B4GALNT2: variants seen among roughly 807,000 people sequenced by gnomAD.
B4GALNT2 encodes N-acetylneuraminylgalactosylglucosyl-glucoside beta-1,4-N- acetylgalactosaminyltransferase 2.
B4GALNT2 carries 42 observed loss-of-function variants against 51.1 expected under a neutral mutation model. That is an observed-to-expected ratio of 0.82 (90% confidence interval 0.64 to 1.06). The LOEUF is 1.06. Ranked by LOEUF, B4GALNT2 falls within the 50% of genes least tolerant of loss-of-function variation. B4GALNT2 has a pLI of 0.00. For missense variants in B4GALNT2, 602 were observed against 633.6 expected, an observed-to-expected ratio of 0.95 and a Z score of 0.54; for synonymous variants, 253 against 251.7, an observed-to-expected ratio of 1.01 and a Z score of -0.05.
chr17:49,128,278 G>C (rs1229321309), upstream of B4GALNT2, among the ~76,000 whole-genome samples: 1 of 152,178 alleles, frequency 6.6e-6, no homozygotes. Context: ...GAGATGATTT[G>C]ACTGGATGGA....
At chr17:49,141,576 C>A in intron 2 of B4GALNT2, 129 bp downstream of exon 2, 1 of 955,394 alleles carries the variant, frequency 1.0e-6, no homozygotes, top group South Asian at 1.6e-5. Context: ...GCTGAATGCA[C>A]AAGTGACTGC....
chr17:49,139,332 G>A (rs1052691850), intron 1 of B4GALNT2, among the ~76,000 whole-genome samples: 5 of 151,618 alleles, frequency 3.3e-5, no homozygotes, highest in Non-Finnish European at 7.4e-5. Flanking sequence ...TTCGCCCTCC[G>A]GGCTCAAGTG....
chr17:49,152,624 C>T (rs1044988583), intron 3 of B4GALNT2, among the ~76,000 whole-genome samples, 176 bp from the exon 4 acceptor site: 2 of 152,150 alleles, frequency 1.3e-5, no homozygotes, highest in African/African-American at 2.4e-5. Context: ...TGCAGTGAGC[C>T]GAGATCGCAC....
At chr17:49,153,179 C>T (rs2042775819) in intron 4 of B4GALNT2, among the ~76,000 whole-genome samples, 1 of 152,100 alleles carries the variant, frequency 6.6e-6, no homozygotes, top group Non-Finnish European at 1.5e-5. Flanking sequence ...CTTTGGGAGG[C>T]TGAGGTGGGT....
At position 49,146,450 on chromosome 17, in the gene B4GALNT2, A is replaced by G. The variant is rs531095457; in HGVS notation, c.353+4278A>G. Among the ~76,000 whole-genome samples, 3 of 152,156 alleles carry G rather than the reference A, an allele frequency of 2.0e-5. No individual in the cohort carries two copies. The East Asian group carries it at 5.8e-4, about 29-fold the overall frequency. The stretch of plus-strand genomic sequence containing the variant: ...CTTAGCCACCCGAGTAGTTGGGATT[A>G]AAGGTGCACGCCACCACTCCCTGTT... On this transcript the variant is annotated intron_variant, in intron 3 of 10. Coordinates refer to ENST00000393354, the MANE Select transcript of B4GALNT2 (RefSeq NM_001159387.2).
chr17:49,143,875 T>A (rs1003830317), intron 3 of B4GALNT2, among the ~76,000 whole-genome samples: 1 of 152,150 alleles, frequency 6.6e-6, no homozygotes, highest in African/African-American at 2.4e-5. Flanking sequence ...TGGTTGGGCA[T>A]GGTGGCTCAC....
At position 49,166,150 on chromosome 17, in the gene B4GALNT2, G is replaced by T; in HGVS notation, c.991G>T (p.Val331Phe). The part of the protein sequence containing the change: ...FAGRNLAISQ[V>F]TTKYVLWVDD... ...TGGTAGGAACCTGGCCATATCTCAG[G>T]TCACCACCAAATACGTTCTCTGGGT... Residue 331 changes from valine to phenylalanine, a missense_variant, in exon 9 of 11, where the codon GTC (valine) becomes TTC (phenylalanine). Physicochemically the swap from Val to Phe is conservative, Grantham distance 50. Transcript: ENST00000393354. The T allele has an allele frequency of 6.2e-7, 1 of 1,614,058 alleles. No individual in the cohort carries two copies. Among genetic ancestry groups the T allele is most frequent in the East Asian group, 2.2e-5 (1 of 44,880 alleles).
At chr17:49,158,133 G>C (rs1197968741) in intron 5 of B4GALNT2, among the ~76,000 whole-genome samples, 1 of 152,154 alleles carries the variant, frequency 6.6e-6, no homozygotes, top group Non-Finnish European at 1.5e-5. Flanking sequence ...AGAGCAAGGA[G>C]GACTTCCCTT....
chr17:49,134,450 G>A (rs1199967732), intron 1 of B4GALNT2, among the ~76,000 whole-genome samples: 1 of 152,198 alleles, frequency 6.6e-6, no homozygotes, highest in Non-Finnish European at 1.5e-5. Context: ...CATCACCCAG[G>A]CTGGAGTGCA....
the B4GALNT2 span, among the ~76,000 whole-genome samples, chr17:49,126,520 C>T: frequency 2.1e-5 from 3 of 141,216 alleles, no homozygotes; most frequent in South Asian, 6.7e-4. Flanking sequence ...AAACAAACTC[C>T]GTGTGTCCTA....
upstream of B4GALNT2, among the ~76,000 whole-genome samples, chr17:49,131,227 C>T (rs139242205): frequency 2.6e-3 from 396 of 152,208 alleles, no homozygotes; most frequent in Non-Finnish European, 3.4e-3. Flanking sequence ...CCTACATGCA[C>T]GTAGTCGGTA....
intron 3 of B4GALNT2, among the ~76,000 whole-genome samples, chr17:49,145,918 ATTG>A (rs1309348100): frequency 1.3e-5 from 2 of 152,098 alleles, no homozygotes; most frequent in African/African-American, 2.4e-5. Flanking sequence ...CTTTAATGGA[ATTG>A]TTGTTGTGTA....
chr17:49,165,766 A>G (rs1229997763), intron 8 of B4GALNT2, among the ~76,000 whole-genome samples: 1 of 151,910 alleles, frequency 6.6e-6, no homozygotes, highest in African/African-American at 2.4e-5. Flanking sequence ...ATGTCCTTCA[A>G]ACTTGACATC....
chr17:49,146,787 G>C (rs920779546), intron 3 of B4GALNT2, among the ~76,000 whole-genome samples: 11 of 152,126 alleles, frequency 7.2e-5, no homozygotes, highest in African/African-American at 2.4e-4. Context: ...CAGACTGGAA[G>C]GTTCATGATT....
rs116205565 is a variant in B4GALNT2 at position 49,141,459 on chromosome 17, C to T, written c.215+12C>T. The T allele has an allele frequency of 1.9e-4, 309 of 1,611,422 alleles. No individual in the cohort carries two copies. In the African/African-American group the frequency reaches 3.0e-3, roughly 16 times the overall value. ...TACGATGGAATCTGGTGAGAGACTG[C>T]GTGTTCTTTCTTTCACCTTAATGCA... On this transcript the variant is annotated intron_variant, in intron 2 of 10. Transcript: ENST00000393354.
chr17:49,134,599 T>C (rs929079254), intron 1 of B4GALNT2, among the ~76,000 whole-genome samples: 1 of 151,890 alleles, frequency 6.6e-6, no homozygotes, highest in Non-Finnish European at 1.5e-5. Context: ...TTTTATTTTA[T>C]TTTTTTTAGA....
the B4GALNT2 span, among the ~76,000 whole-genome samples, chr17:49,125,888 C>CA: frequency 6.9e-6 from 1 of 144,864 alleles, no homozygotes; most frequent in Non-Finnish European, 1.5e-5. Context: ...GGGGGTCGGC[C>CA]CCCTGCCCGA....
Position 49,175,695 on chromosome 17 carries a change from C to T in B4GALNT2, c.*5967C>T, listed in dbSNP as rs1276231871. On this transcript the variant is annotated 3_prime_UTR_variant, in exon 11 of 11. Coordinates refer to ENST00000393354, the MANE Select transcript of B4GALNT2 (RefSeq NM_001159387.2). ...TGTTGATCTGGGGGGTATATCCTAA[C>T]AGGGAACTGCCAAGCCTCTATATCA... 1 of 152,178 alleles carries T rather than the reference C, an allele frequency of 6.6e-6. No individual in the cohort carries two copies. The highest frequency in any genetic ancestry group is 2.4e-5 in the African/African-American group (1 of 41,412). The allele number at this position is 152,178 out of a possible 1,614,324, so 9.4% of individuals were successfully genotyped here. A position where few individuals can be genotyped will look rare whatever the true frequency, so the allele number is the denominator to read the frequency against.
chr17:49,171,762 T>A lies in B4GALNT2; in HGVS notation c.*2034T>A. The A allele has an allele frequency of 2.4e-6, 1 of 422,692 alleles. No homozygotes were observed. The highest frequency in any genetic ancestry group is 4.6e-6 in the Non-Finnish European group (1 of 217,216). 26.2% of individuals were successfully genotyped at this position (422,692 alleles called of 1,614,324 possible). A position where few individuals can be genotyped will look rare whatever the true frequency, so the allele number is the denominator to read the frequency against. ...CCAATCAATAATGATTCCATAGGAA[T>A]CGTTGTGCAGCACCTCTACCTGTTC... On this transcript the variant is annotated 3_prime_UTR_variant, in exon 11 of 11. Coordinates refer to ENST00000393354, the MANE Select transcript of B4GALNT2 (RefSeq NM_001159387.2).
Sources: gnomAD v4.1 joint callset for allele counts (sites outside exome capture counted in the v4.1 genomes callset) on GRCh38, gnomAD v4.1.1 for gene constraint, MANE v1.5 for transcripts, NCBI Gene and HGNC (gene_info 2026-07-23, HGNC 2026-07-21) for gene names.